The following CD6 variants were observed in gnomAD, a reference collection of about 807,000 sequenced individuals.
CD6 encodes CD6 molecule, also known as T-cell differentiation antigen CD6.
Under a neutral mutation model 75.3 loss-of-function variants are expected in CD6, and 53 were observed. That is an observed-to-expected ratio of 0.70 (90% confidence interval 0.56 to 0.88). The LOEUF (loss-of-function observed/expected upper bound fraction) is 0.88. CD6 is among the 40% of genes least tolerant of loss of function. CD6 has a pLI of 0.00. For synonymous variants in CD6, 359 were observed against 381.5 expected (o/e 0.94, Z 0.69); for missense variants, 770 against 897.1 (o/e 0.86, Z 1.81).
At chr11:61,009,948 T>C in intron 5 of CD6, 74 bp downstream of exon 5, 1 of 1,445,654 alleles carries the variant, frequency 6.9e-7, no homozygotes, top group Non-Finnish European at 9.3e-7. Flanking sequence ...AAACTTACAG[T>C]CCAAGGACCA....
At chr11:61,003,215 T>C (rs1199315968) in intron 1 of CD6, among the ~76,000 whole-genome samples, 1 of 152,162 alleles carries the variant, frequency 6.6e-6, no homozygotes, top group Non-Finnish European at 1.5e-5. Context: ...TCCACACGCC[T>C]TGGCCTCCCA....
intron 1 of CD6, among the ~76,000 whole-genome samples, chr11:61,003,125 C>A (rs541135565): frequency 6.6e-6 from 1 of 152,134 alleles, no homozygotes; most frequent in African/African-American, 2.4e-5. Flanking sequence ...CCACCACACC[C>A]GACTAATTTT....
At chr11:60,980,276 T>C (rs1166098669) in intron 1 of CD6, among the ~76,000 whole-genome samples, 1 of 152,092 alleles carries the variant, frequency 6.6e-6, no homozygotes, top group Non-Finnish European at 1.5e-5. Context: ...ATTCAGCACG[T>C]TGGGAGGCCG....
At chr11:60,991,277 A>G (rs1235056012) in intron 1 of CD6, among the ~76,000 whole-genome samples, 1 of 149,472 alleles carries the variant, frequency 6.7e-6, no homozygotes, top group Admixed American at 6.7e-5. Context: ...CAGCCTCTCG[A>G]GTAGCTAGGA....
intron 1 of CD6, 58 bp downstream of exon 1, chr11:60,971,972 C>T: frequency 6.5e-7 from 1 of 1,543,674 alleles, no homozygotes; most frequent in Non-Finnish European, 8.9e-7. Flanking sequence ...GTCCGGCCCT[C>T]TCAGTCCCCT....
At chr11:60,991,475 A>C (rs1417308147) in intron 1 of CD6, among the ~76,000 whole-genome samples, 1 of 151,918 alleles carries the variant, frequency 6.6e-6, no homozygotes, top group Non-Finnish European at 1.5e-5. Context: ...TTCTCTGCAC[A>C]ATATCCATAA....
At chr11:60,975,410 G>GT (rs1857327163) in intron 1 of CD6, among the ~76,000 whole-genome samples, 1 of 152,194 alleles carries the variant, frequency 6.6e-6, no homozygotes, top group Non-Finnish European at 1.5e-5. Context: ...CAAATTTTAT[G>GT]TGATTTATAT....
rs1451896173 is a variant in CD6, at chr11:61,008,805, C to T, written c.741C>T (p.His247=). The change falls in exon 4 of 13, where the codon CAC becomes CAT. Residue 247 remains histidine (H), a synonymous_variant. Coordinates refer to ENST00000313421, the MANE Select transcript of CD6 (RefSeq NM_006725.5). ...LWDCPGLPGQ[H]YCGHKEDAGA... is the part of the protein sequence containing the mutation. ...ACTGCCCGGGGCTGCCAGGACAGCACTACTGCGGCCACAAAGAGGACGCGG... is the reference window on the plus strand; with the variant it reads ...ACTGCCCGGGGCTGCCAGGACAGCATTACTGCGGCCACAAAGAGGACGCGG... 6.4e-7 allele frequency: 1 copy of T among 1,570,840 alleles called. No homozygotes were observed. The highest frequency in any genetic ancestry group is 1.4e-5 in the African/African-American group (1 of 73,718).
chr11:60,985,002 A>C (rs189367232), intron 1 of CD6: 16 of 152,310 alleles, frequency 1.1e-4, no homozygotes, highest in African/African-American at 3.8e-4. Flanking sequence ...TTTGCCCTTC[A>C]TGCATATACA....
rs542582271 is a variant in CD6, at chr11:61,019,611, T to C, written c.*293T>C. 7.6e-4 allele frequency: 264 copies of C among 345,848 alleles called. 1 individual carries two copies. The highest frequency in any genetic ancestry group is 4.2e-3 in the African/African-American group (201 of 47,940). The allele number at this position is 345,848 out of a possible 1,614,324, so 21.4% of individuals were successfully genotyped here. ...GAACAAGCAGAGTCTGGGCTACCTC[T>C]TGACAGCTGGTGGAGGGGAGTTGGG... On this transcript the variant is annotated 3_prime_UTR_variant, in exon 13 of 13. Transcript: ENST00000313421.
rs377061625 is a variant in CD6, at chr11:61,017,595, G to C, written c.1582+45G>C. 165 of 1,562,628 alleles carry C rather than the reference G, an allele frequency of 1.1e-4. 4 individuals are homozygous for C. Among genetic ancestry groups the C allele is most frequent in the Middle Eastern group, 1.7e-4 (1 of 5,998 alleles). On this transcript the variant is annotated intron_variant, in intron 10 of 12. Transcript: ENST00000313421. ...GGTGTGAATGGCAGTCCCACCTCCA[G>C]AGAGTAGCTCAGCTCAGCTTGAGAC...
At chr11:60,974,947 C>T (rs902100626) in intron 1 of CD6, among the ~76,000 whole-genome samples, 2 of 152,222 alleles carry the variant, frequency 1.3e-5, no homozygotes, top group East Asian at 1.9e-4. Flanking sequence ...CCCGCCAGGG[C>T]AGTGCTGAGC....
chr11:61,016,725 C>T lies in CD6; in HGVS notation c.1511-754C>T, dbSNP rs765650009. Among the ~76,000 whole-genome samples the T allele has an allele frequency of 5.3e-5, 8 of 152,192 alleles. No homozygotes were observed. The East Asian group carries it at 5.8e-4, about 11-fold the overall frequency. On this transcript the variant is annotated intron_variant, in intron 9 of 12. Coordinates refer to ENST00000313421, the MANE Select transcript of CD6 (RefSeq NM_006725.5). Reference sequence around the variant, plus strand: ...ACTAGCTGCAAGAGAGGCAGGGAAACGAAGGCTCTGTCCTGGGCAGCTGTG... The same window carrying T: ...ACTAGCTGCAAGAGAGGCAGGGAAATGAAGGCTCTGTCCTGGGCAGCTGTG...
intron 1 of CD6, among the ~76,000 whole-genome samples, chr11:61,003,817 G>A (rs1244674955): frequency 5.3e-5 from 8 of 152,192 alleles, no homozygotes; most frequent in Admixed American, 2.0e-4. Context: ...ATGGAAAGAC[G>A]GTTCCAGGTA....
rs187608945 is a variant in CD6, at chr11:60,978,095, A to G, written c.49+6181A>G. On this transcript the variant is annotated intron_variant, in intron 1 of 12. Coordinates refer to ENST00000313421, the MANE Select transcript of CD6 (RefSeq NM_006725.5). ...GCTGAAAGGGAAATAAAGAGTATGC[A>G]TAACTTCCTCATCATGTAATATAGT... Among the ~76,000 whole-genome samples the G allele has an allele frequency of 8.5e-5, 13 of 152,346 alleles. No individual in the cohort carries two copies. The East Asian group carries it at 2.3e-3, about 27-fold the overall frequency.
chr11:61,008,731 A>T lies in CD6; in HGVS notation c.667A>T (p.Ile223Phe). ...GLHFTPGRGPIHRDQVNCSGA... is the reference protein window; with the variant it reads ...GLHFTPGRGPFHRDQVNCSGA... ...GCACTTCACGCCCGGCCGCGGGCCT[A>T]TCCACCGGGACCAGGTGAACTGCTC... The change falls in exon 4 of 13, where the codon ATC becomes TTC. Residue 223 changes from isoleucine (I) to phenylalanine (F), a missense_variant. Transcript: ENST00000313421. The T allele has an allele frequency of 1.9e-6, 3 of 1,608,736 alleles. No homozygotes were observed. Among genetic ancestry groups the T allele is most frequent in the Non-Finnish European group, 2.5e-6 (3 of 1,177,736 alleles).
At chr11:61,015,269 T>A (rs968496063) in intron 8 of CD6, among the ~76,000 whole-genome samples, 1 of 152,174 alleles carries the variant, frequency 6.6e-6, no homozygotes, top group Non-Finnish European at 1.5e-5. Context: ...CTGGGTGGCT[T>A]GTACAAGATG....
Position 61,019,256 on chromosome 11 carries a change from TC to T in CD6, c.1950del (p.Ser651AlafsTer130). On this transcript the variant is annotated frameshift_variant, in exon 13 of 13. Coordinates refer to ENST00000313421, the MANE Select transcript of CD6 (RefSeq NM_006725.5). LOFTEE classifies it high-confidence loss of function. ...AATCTGGGCCTCTCTGCCCACAGGG[TC>T]CCCCAGCCCTCAGCCTGACTCCACC... The part of the protein sequence containing the change: ...PSEEQFGCPG[S>X]PSPQPDSTDN... 6.2e-7 allele frequency: 1 copy of T among 1,610,792 alleles called. No homozygotes were observed.
intron 1 of CD6, among the ~76,000 whole-genome samples, chr11:60,987,109 AAAAAAC>A (rs959661468): frequency 2.6e-5 from 4 of 152,190 alleles, no homozygotes; most frequent in East Asian, 1.9e-4. Context: ...CTCCATCTCA[AAAAAAC>A]AAAAACAAAA....
Sources: allele counts gnomAD v4.1 joint callset (sites outside exome capture counted in the v4.1 genomes callset), GRCh38; gene constraint gnomAD v4.1.1; transcripts MANE v1.5; gene names NCBI Gene and HGNC (gene_info 2026-07-23, HGNC 2026-07-21).